FLT1: variants seen among roughly 807,000 people sequenced by gnomAD.
FLT1 encodes the protein fms related receptor tyrosine kinase 1.
A neutral mutation model predicts 156.3 loss-of-function variants in FLT1; 49 were observed. The ratio of observed to expected loss-of-function variants is 0.31; its 90% CI spans 0.25 to 0.40. FLT1 has a LOEUF of 0.40. FLT1 is among the 10% of genes least tolerant of loss of function. FLT1 has a pLI of 1.00. For synonymous variants in FLT1, 594 were observed against 583.8 expected (o/e 1.02, Z -0.25); for missense variants, 1,322 against 1,637.2 (o/e 0.81, Z 3.32).
At chr13:28,311,876 C>T in intron 26 of FLT1, 117 bp downstream of exon 26, 1 of 1,095,282 alleles carries the variant, frequency 9.1e-7, no homozygotes, top group Non-Finnish European at 1.4e-6. Context: ...CACACACACC[C>T]TTTTTTTAAA....
At chr13:28,386,492 G>A in intron 13 of FLT1, 9 of 1,048,700 alleles carry the variant, frequency 8.6e-6, no homozygotes, top group Non-Finnish European at 1.0e-5. Flanking sequence ...GAAGTGCTCT[G>A]ATGTACAAAA....
intron 10 of FLT1, among the ~76,000 whole-genome samples, chr13:28,412,042 A>T (rs1441919036): frequency 1.3e-5 from 2 of 152,210 alleles, no homozygotes; most frequent in Admixed American, 1.3e-4. Context: ...AAACAAAAGG[A>T]TAGAGGAGTA....
intron 14 of FLT1, among the ~76,000 whole-genome samples, chr13:28,383,148 T>C (rs116654521): frequency 0.01 from 1,538 of 152,288 alleles, 26 homozygotes; most frequent in African/African-American, 0.035. Flanking sequence ...ACAGTGTTTA[T>C]ACTTATTGGT....
chr13:28,362,887 G>A (rs1272440170), intron 14 of FLT1, among the ~76,000 whole-genome samples: 1 of 152,110 alleles, frequency 6.6e-6, no homozygotes, highest in African/African-American at 2.4e-5. Flanking sequence ...TCTTCTTTCT[G>A]ATATGCCCTC....
chr13:28,467,255 C>A, intron 2 of FLT1, 126 bp from the exon 3 acceptor site: 2 of 789,986 alleles, frequency 2.5e-6, no homozygotes, highest in Admixed American at 1.9e-5. Flanking sequence ...TTCCTCTTTA[C>A]GGGAAAGCAA....
intron 4 of FLT1, among the ~76,000 whole-genome samples, chr13:28,436,379 T>G (rs1471963900): frequency 2.0e-5 from 3 of 152,250 alleles, no homozygotes; most frequent in Non-Finnish European, 4.4e-5. Flanking sequence ...TAACTTCATG[T>G]CAGCAGAAAT....
chr13:28,321,404 G>A (rs1230879819), intron 23 of FLT1, 59 bp downstream of exon 23: 2 of 1,588,342 alleles, frequency 1.3e-6, no homozygotes, highest in Non-Finnish European at 1.7e-6. Context: ...TATTTACCAA[G>A]TCTGTGGTTT....
Position 28,444,632 on chromosome 13 carries a change from C to G in FLT1, c.389-6287G>C, listed in dbSNP as rs142526786. Among the ~76,000 whole-genome samples, 7 of 152,184 alleles carry G rather than the reference C, an allele frequency of 4.6e-5. No individual in the cohort carries two copies. The East Asian group carries it at 1.4e-3, about 29-fold the overall frequency. Reference sequence around the variant, plus strand: ...ACCATATGCTAGACCATAAAACAAACCTCAATAAATTTAAAAGGATAGAAA... The same window carrying G: ...ACCATATGCTAGACCATAAAACAAAGCTCAATAAATTTAAAAGGATAGAAA... On this transcript the variant is annotated intron_variant, in intron 3 of 29. Coordinates refer to ENST00000282397, the MANE Select transcript of FLT1 (RefSeq NM_002019.4).
chr13:28,478,561 G>A lies in FLT1; in HGVS notation c.65-10944C>T, dbSNP rs79889532. On this transcript the variant is annotated intron_variant, in intron 1 of 29. Transcript: ENST00000282397. ...CAGTTTAAGTATAAAAGCGGGAATT[G>A]GAACTTTTAAATTTTATTCAACTAC... Among the ~76,000 whole-genome samples the A allele has an allele frequency of 5.2e-3, 797 of 152,272 alleles. 8 individuals carry two copies. Among genetic ancestry groups the A allele is most frequent in the African/African-American group, 0.018 (765 of 41,556 alleles).
intron 15 of FLT1, among the ~76,000 whole-genome samples, chr13:28,347,699 G>A (rs1054989024): frequency 2.0e-5 from 3 of 152,224 alleles, no homozygotes; most frequent in African/African-American, 4.8e-5. Flanking sequence ...GCACAAGCTG[G>A]AAACCTGAGA....
chr13:28,414,641 G>A (rs1247701656), intron 10 of FLT1, among the ~76,000 whole-genome samples: 3 of 152,150 alleles, frequency 2.0e-5, no homozygotes, highest in Admixed American at 6.5e-5. Context: ...ACTTACGTAT[G>A]GACAGGGACT....
chr13:28,430,012 T>C (rs2137544389), intron 8 of FLT1, 38 bp downstream of exon 8: 1 of 1,325,294 alleles, frequency 7.5e-7, no homozygotes, highest in African/African-American at 1.4e-5. Context: ...ACTTACAAAG[T>C]ATGTCTTAAA....
At chr13:28,405,019 CAA>C (rs762428024) in intron 11 of FLT1, among the ~76,000 whole-genome samples, 15 of 94,608 alleles carry the variant, frequency 1.6e-4, no homozygotes, top group Non-Finnish European at 1.7e-4. Context: ...GACTCCATCT[CAA>C]AAAAAAAAAA....
At chr13:28,361,309 C>T (rs1298001480) in intron 14 of FLT1, among the ~76,000 whole-genome samples, 3 of 151,620 alleles carry the variant, frequency 2.0e-5, no homozygotes, top group Non-Finnish European at 4.4e-5. Flanking sequence ...ATGTAAAAAA[C>T]ACACAAACTC....
At chr13:28,361,285 CA>C (rs797012838) in intron 14 of FLT1, among the ~76,000 whole-genome samples, 8 of 146,130 alleles carry the variant, frequency 5.5e-5, no homozygotes, top group African/African-American at 5.0e-5. Flanking sequence ...TCTCAAAAAA[CA>C]AAAAAAAAAG....
Position 28,322,367 on chromosome 13 carries a change from G to A in FLT1, c.2954-8C>T. The A allele has an allele frequency of 6.4e-7, 1 of 1,571,580 alleles. No homozygotes were observed. The highest frequency in any genetic ancestry group is 8.8e-7 in the Non-Finnish European group (1 of 1,141,250). ...TGTAGAAACCGTCAGAATCTGGAAA[G>A]CATTAGAACCGTAACTGTTTGTAAT... On this transcript the variant is annotated splice_region_variant and splice_polypyrimidine_tract_variant and intron_variant, in intron 21 of 29. Coordinates refer to ENST00000282397, the MANE Select transcript of FLT1 (RefSeq NM_002019.4). The surrounding 1 kb of genome is among the most constrained non-coding windows in gnomAD (Gnocchi z 4.3).
intron 14 of FLT1, among the ~76,000 whole-genome samples, chr13:28,367,725 C>T (rs959726961): frequency 1.3e-5 from 2 of 152,216 alleles, no homozygotes; most frequent in African/African-American, 4.8e-5. Context: ...ACAAAAGTGG[C>T]TTGTTGCTCT....
rs17627339 is a variant in FLT1, at chr13:28,426,028, C to G, written c.1436+1131G>C. ...CTTTCCACTCTGAGAGTAATACACC[C>G]TAAGCAAAACGAGTTGGAATTGTGG... On this transcript the variant is annotated intron_variant, in intron 10 of 29. Transcript: ENST00000282397. 3.3e-3 allele frequency among the ~76,000 whole-genome samples: 497 copies of G among 152,228 alleles called. 4 individuals are homozygous for G. Among genetic ancestry groups the G allele is most frequent in the South Asian group, 0.022 (108 of 4,822 alleles).
intron 14 of FLT1, among the ~76,000 whole-genome samples, chr13:28,372,563 A>AATGTAT (rs1873652614): frequency 4.3e-5 from 2 of 46,594 alleles, no homozygotes; most frequent in South Asian, 9.2e-4. Flanking sequence ...GTTTAAATAA[A>AATGTAT]ATGTATATAT....
Sources: allele counts gnomAD v4.1 joint callset (sites outside exome capture counted in the v4.1 genomes callset), GRCh38; gene constraint gnomAD v4.1.1; non-coding constraint Gnocchi (gnomAD v3.1); transcripts MANE v1.5; gene names NCBI Gene and HGNC (gene_info 2026-07-23, HGNC 2026-07-21).